GABRR1: variants seen among roughly 807,000 people sequenced by gnomAD.
The protein encoded by GABRR1 is gamma-aminobutyric acid receptor subunit rho-1.
GABRR1 carries 59 observed loss-of-function variants against 55.5 expected under a neutral mutation model. The observed-to-expected ratio is 1.06, with a 90% CI of 0.86 to 1.32. The LOEUF is 1.32. GABRR1 is among the 40% of genes most tolerant of loss of function. GABRR1 has a pLI of 0.00. For missense variants in GABRR1, 602 were observed against 619.1 expected (o/e 0.97, Z 0.29); for synonymous variants, 213 against 226.0 (o/e 0.94, Z 0.51).
chr6:89,225,510 C>A (rs1183863397), intron 1 of GABRR1, among the ~76,000 whole-genome samples: 1 of 135,052 alleles, frequency 7.4e-6, no homozygotes, highest in Non-Finnish European at 1.6e-5. Flanking sequence ...TGAGAATATG[C>A]GGTGTTTGGT....
At chr6:89,183,190 G>A (rs1016327736) in intron 7 of GABRR1, among the ~76,000 whole-genome samples, 2 of 149,372 alleles carry the variant, frequency 1.3e-5, no homozygotes, top group African/African-American at 2.5e-5. Context: ...CCTTATATGC[G>A]TGAGATGCCT....
intron 6 of GABRR1, among the ~76,000 whole-genome samples, chr6:89,186,816 C>G (rs1238740449): frequency 6.6e-6 from 1 of 152,176 alleles, no homozygotes; most frequent in Non-Finnish European, 1.5e-5. Context: ...CAATAAGTAG[C>G]CACTCCCTTG....
intron 5 of GABRR1, among the ~76,000 whole-genome samples, chr6:89,194,025 C>G (rs535889295): frequency 6.6e-6 from 1 of 152,256 alleles, no homozygotes; most frequent in South Asian, 2.1e-4. Context: ...TCTTAGGTTC[C>G]CTGTCAGGAG....
At chr6:89,196,822 G>GGAAAGAAAGAAAGAAGGAAA (rs1772292522) in intron 5 of GABRR1, among the ~76,000 whole-genome samples, 1 of 91,062 alleles carries the variant, frequency 1.1e-5, no homozygotes, top group African/African-American at 4.2e-5. Flanking sequence ...AAGAAAAGAA[G>GGAAAGAAAGAAAGAAGGAAA]GAAAGAAAGA....
intron 5 of GABRR1, among the ~76,000 whole-genome samples, chr6:89,192,208 A>G (rs1375305088): frequency 6.6e-6 from 1 of 151,924 alleles, no homozygotes; most frequent in Non-Finnish European, 1.5e-5. Context: ...GTGGAAGCTG[A>G]TACTTTCTTT....
chr6:89,212,463 C>A lies in GABRR1; in HGVS notation c.122+4738G>T, dbSNP rs1020514082. Among the ~76,000 whole-genome samples, 39 of 151,928 alleles carry A rather than the reference C, an allele frequency of 2.6e-4. 12 individuals carry two copies. The highest frequency in any genetic ancestry group is 4.6e-4 in the Non-Finnish European group (31 of 68,004). Reference sequence around the variant, plus strand: ...GAAATCTGCTGAGACCATTCAGCTCCTCTTCACCTTCAGAATAAACGTGAA... The same window carrying A: ...GAAATCTGCTGAGACCATTCAGCTCATCTTCACCTTCAGAATAAACGTGAA... On this transcript the variant is annotated intron_variant, in intron 1 of 9. Transcript: ENST00000454853.
chr6:89,204,169 C>T (rs1230115259), intron 1 of GABRR1, among the ~76,000 whole-genome samples: 2 of 152,232 alleles, frequency 1.3e-5, no homozygotes, highest in East Asian at 3.8e-4. Context: ...GCCCACATCT[C>T]TTCGAATTGT....
chr6:89,178,297 A>C lies in GABRR1; in HGVS notation c.*473T>G, dbSNP rs935973789. 1 of 167,914 alleles carries C rather than the reference A, an allele frequency of 6.0e-6. No individual in the cohort carries two copies. The highest frequency in any genetic ancestry group is 2.4e-5 in the African/African-American group (1 of 41,690). The allele number at this position is 167,914 out of a possible 1,614,324, so 10.4% of individuals were successfully genotyped here. On this transcript the variant is annotated 3_prime_UTR_variant, in exon 10 of 10. Transcript: ENST00000454853. ...GCATACAAAATAGGTAATAGGTTATAAACTGAAGCATGAGTTTCTGTCAAA... is the reference window on the plus strand; with the variant it reads ...GCATACAAAATAGGTAATAGGTTATCAACTGAAGCATGAGTTTCTGTCAAA...
chr6:89,214,052 A>G (rs912434748), intron 1 of GABRR1, among the ~76,000 whole-genome samples: 1 of 151,576 alleles, frequency 6.6e-6, no homozygotes, highest in African/African-American at 2.4e-5. Context: ...AACAGCAACA[A>G]TTTCACTTCT....
intron 1 of GABRR1, among the ~76,000 whole-genome samples, chr6:89,203,747 A>G (rs1265467868): frequency 6.6e-6 from 1 of 152,164 alleles, no homozygotes; most frequent in Admixed American, 6.5e-5. Context: ...CCACTGGTCT[A>G]CCCGGGCGTG....
intron 5 of GABRR1, among the ~76,000 whole-genome samples, 178 bp downstream of exon 5, chr6:89,197,842 C>G (rs2282123): frequency 0.15 from 22,092 of 152,156 alleles, 1,969 homozygotes; most frequent in Admixed American, 0.24. Context: ...AAGGTATTTT[C>G]AAGACTGAAT....
rs1182461149 is a variant in GABRR1 at position 89,224,903 on chromosome 6, C to T, written c.-410-3457G>A. The stretch of plus-strand genomic sequence containing the variant: ...GTTCAAGCGATTCTCCTGCCTCAGC[C>T]TCCCAAGTAGCTGGGATTACAGGCA... On this transcript the variant is annotated intron_variant, in intron 1 of 11. Transcript: ENST00000369451. 3.3e-5 allele frequency among the ~76,000 whole-genome samples: 5 copies of T among 152,282 alleles called. No individual in the cohort carries two copies. In the East Asian group the frequency reaches 9.6e-4, roughly 29 times the overall value.
intron 1 of GABRR1, among the ~76,000 whole-genome samples, chr6:89,230,529 G>A (rs1773266963): frequency 6.6e-6 from 1 of 152,200 alleles, no homozygotes; most frequent in Non-Finnish European, 1.5e-5. Context: ...GCCTTGTGAG[G>A]TGTCAGTGTG....
chr6:89,216,913 A>T lies in GABRR1; in HGVS notation c.122+288T>A, dbSNP rs139142038. Reference sequence around the variant, plus strand: ...AACAATTGCCCTTGATATTTTTTTTAAATGTGCATATATTCTATTTTCCAG... The same window carrying T: ...AACAATTGCCCTTGATATTTTTTTTTAATGTGCATATATTCTATTTTCCAG... On this transcript the variant is annotated intron_variant, in intron 1 of 9. Transcript: ENST00000454853. Among the ~76,000 whole-genome samples the T allele has an allele frequency of 6.6e-3, 1,006 of 152,232 alleles. 10 individuals carry two copies. Among genetic ancestry groups the T allele is most frequent in the African/African-American group, 0.023 (962 of 41,532 alleles).
chr6:89,179,059 G>A lies in GABRR1; in HGVS notation c.1151C>T (p.Pro384Leu), dbSNP rs143260597. 34 of 1,613,060 alleles carry A rather than the reference G, an allele frequency of 2.1e-5. No homozygotes were observed. The African/African-American group carries it at 4.4e-4, about 21-fold the overall frequency. ...GGGCGGAGGTAATCCGCTGGTGCAGGGAAGCTGCAAACAGTAAACACATGT... is the reference window on the plus strand; with the variant it reads ...GGGCGGAGGTAATCCGCTGGTGCAGAGAAGCTGCAAACAGTAAACACATGT... ...RKEQKLREKL[P>L]CTSGLPPPRT... Residue 384 changes from proline (P) to leucine (L), a missense_variant, in exon 10 of 10, where the codon CCC becomes CTC. Around this residue, in one of 3 missense-constraint regions of GABRR1, gnomAD observed 139 missense variants for 141.1 expected, o/e 0.99. Transcript: ENST00000454853.
chr6:89,182,172 A>G, intron 7 of GABRR1, 115 bp from the exon 8 acceptor site: 1 of 937,332 alleles, frequency 1.1e-6, no homozygotes, highest in Non-Finnish European at 1.6e-6. Context: ...TCATGTCTTT[A>G]TAAGGTGAAA....
intron 5 of GABRR1, among the ~76,000 whole-genome samples, chr6:89,191,250 T>A (rs1214872197): frequency 1.3e-5 from 2 of 152,160 alleles, no homozygotes; most frequent in African/African-American, 2.4e-5. Flanking sequence ...GTCTTATGTC[T>A]CCTGGAAATC....
At chr6:89,182,120 C>A in intron 7 of GABRR1, 63 bp from the exon 8 acceptor site, 1 of 1,549,892 alleles carries the variant, frequency 6.5e-7, no homozygotes, top group Non-Finnish European at 8.8e-7. Flanking sequence ...ACATTTTATT[C>A]AGGAAATTGT....
intron 1 of GABRR1, among the ~76,000 whole-genome samples, chr6:89,206,246 T>TCTC (rs1554191993): frequency 0.022 from 3,270 of 151,784 alleles, 58 homozygotes; most frequent in African/African-American, 0.045. Context: ...TTATGTCACT[T>TCTC]CTCTTAAAAC....
Sources: allele counts gnomAD v4.1 joint callset (sites outside exome capture counted in the v4.1 genomes callset), GRCh38; gene constraint gnomAD v4.1.1; regional missense constraint gnomAD v4.1.1; transcripts MANE v1.5; gene names NCBI Gene and HGNC (gene_info 2026-07-23, HGNC 2026-07-21).